Variants in ARRB2 observed in about 807,000 individuals in gnomAD.
The protein encoded by ARRB2 is arrestin beta 2.
ARRB2 carries 21 observed loss-of-function variants against 53.4 expected under a neutral mutation model. The ratio of observed to expected loss-of-function variants is 0.39; its 90% CI spans 0.28 to 0.57. The LOEUF is 0.57. ARRB2 is among the 20% of genes least tolerant of loss of function. ARRB2 has a pLI of 0.55. For missense variants in ARRB2, 369 were observed against 527.5 expected, an observed-to-expected ratio of 0.70 and a Z score of 2.94; for synonymous variants, 180 against 212.9, an observed-to-expected ratio of 0.85 and a Z score of 1.34.
chr17:4,715,984 C>T lies in ARRB2; in HGVS notation c.66C>T (p.Tyr22=), dbSNP rs1225295877. Residue 22 remains tyrosine, a synonymous_variant, in exon 3 of 15, where the codon TAC becomes TAT. Transcript: ENST00000269260. ...KSSPNCKLTV[Y]LGKRDFVDHL... ...CTTGACATCCTCAGCTCACCGTGTA[C>T]TTGGGCAAGCGGGACTTCGTAGATC... is the stretch of plus-strand genomic sequence containing the variant. 1 of 1,614,222 alleles carries T rather than the reference C, an allele frequency of 6.2e-7. No individual in the cohort carries two copies. The highest frequency in any genetic ancestry group is 1.7e-5 in the Admixed American group (1 of 60,024).
chr17:4,715,573 A>G, intron 2 of ARRB2: 1 of 292,036 alleles, frequency 3.4e-6, no homozygotes, highest in East Asian at 7.7e-5. Flanking sequence ...ACACGGACAC[A>G]CACACACACA....
intron 8 of ARRB2, 42 bp downstream of exon 8, chr17:4,718,065 A>C (rs763432164): frequency 2.5e-6 from 4 of 1,610,300 alleles, no homozygotes; most frequent in Non-Finnish European, 3.4e-6. Flanking sequence ...GGTGCAGTTT[A>C]GACCCTGGGG....
In ARRB2 at chr17:4,717,882, T is replaced by C. The variant is rs1412140983; in HGVS notation, c.486-6T>C. On this transcript the variant is annotated splice_polypyrimidine_tract_variant and splice_region_variant and intron_variant, in intron 7 of 14. Coordinates refer to ENST00000269260, the MANE Select transcript of ARRB2 (RefSeq NM_004313.4). This position sits in a 1 kb window ranked among gnomAD's most constrained non-coding sequence, Gnocchi z 6.0. ...ATGACCCCTCCTGCCCCTACTCTGA[T>C]CCCAGGAACTCTGTGCGGCTGGTGA... 5 of 1,614,036 alleles carry C rather than the reference T, an allele frequency of 3.1e-6. No individual in the cohort carries two copies. In the East Asian group the frequency reaches 1.1e-4, roughly 36 times the overall value.
intron 2 of ARRB2, chr17:4,715,670 C>T (rs1914927392): frequency 4.5e-6 from 2 of 448,902 alleles, no homozygotes; most frequent in South Asian, 4.6e-5. Context: ...CATGTTCACA[C>T]ACACACCTGA....
At chr17:4,714,656 A>T (rs56255696) in intron 1 of ARRB2, 13,384 of 82,808 alleles carry the variant, frequency 0.16, 1,665 homozygotes, top group Non-Finnish European at 0.24. Context: ...ACCTTCCGGG[A>T]AGAAGGGTTC....
At chr17:4,718,872 C>G (rs1915375450) in intron 10 of ARRB2, among the ~76,000 whole-genome samples, 188 bp downstream of exon 10, 1 of 151,290 alleles carries the variant, frequency 6.6e-6, no homozygotes, top group Non-Finnish European at 1.5e-5. Flanking sequence ...ACCTCCACCT[C>G]CCGGGTTCAA....
At position 4,721,195 on chromosome 17, in the gene ARRB2, C is replaced by G; in HGVS notation, c.*156C>G. The G allele has an allele frequency of 1.4e-6, 1 of 705,594 alleles. No individual in the cohort carries two copies. The allele number at this position is 705,594 out of a possible 1,614,324, so 43.7% of individuals were successfully genotyped here. ...CCCTTCACACTCTCTCCCCCATCCC[C>G]CCAAGATACACACTGGACCCTCTCT... On this transcript the variant is annotated 3_prime_UTR_variant, in exon 15 of 15. Transcript: ENST00000269260. The surrounding 1 kb of genome is among the most constrained non-coding windows in gnomAD (Gnocchi z 4.2).
chr17:4,713,902 T>C (rs1420717715), intron 1 of ARRB2, among the ~76,000 whole-genome samples: 1 of 145,818 alleles, frequency 6.9e-6, no homozygotes, highest in Non-Finnish European at 1.5e-5. Context: ...AGGCGGAGGT[T>C]GCAGTGAGCT....
intron 5 of ARRB2, 96 bp downstream of exon 5, chr17:4,716,704 A>G: frequency 2.0e-6 from 3 of 1,482,768 alleles, no homozygotes; most frequent in East Asian, 2.5e-5. Flanking sequence ...TCTGGAAGAA[A>G]CAGTGAGGCA....
Position 4,718,808 on chromosome 17 carries a change from T to G in ARRB2, c.779+124T>G, listed in dbSNP as rs564767127. On this transcript the variant is annotated intron_variant, in intron 10 of 14. Transcript: ENST00000269260. ...TTTTTTTTTTTTTTTGAGATGGAGT[T>G]TTTGCTCTTGTTGCCCAGCCTGGAG... The G allele has an allele frequency of 6.9e-4, 735 of 1,065,110 alleles. 1 individual carries two copies. Among genetic ancestry groups the G allele is most frequent in the Non-Finnish European group, 8.8e-4 (668 of 756,190 alleles). The allele number at this position is 1,065,110 out of a possible 1,614,324, so 66.0% of individuals were successfully genotyped here.
intron 2 of ARRB2, chr17:4,715,249 G>A: frequency 3.3e-6 from 2 of 605,962 alleles, no homozygotes; most frequent in Non-Finnish European, 5.6e-6. Context: ...GGGCTGGGTG[G>A]GGCAGGCTTG....
Position 4,717,133 on chromosome 17 carries a change from G to T in ARRB2, c.358-84G>T. ...ACAGGCATGAGCCACCACACCCAGCGTCTCCAGCCTCTTAGGTTGAGATTT... is the reference window on the plus strand; with the variant it reads ...ACAGGCATGAGCCACCACACCCAGCTTCTCCAGCCTCTTAGGTTGAGATTT... On this transcript the variant is annotated intron_variant, in intron 5 of 14. Coordinates refer to ENST00000269260, the MANE Select transcript of ARRB2 (RefSeq NM_004313.4). This position sits in a 1 kb window ranked among gnomAD's most constrained non-coding sequence, Gnocchi z 6.0. 1 of 1,468,692 alleles carries T rather than the reference G, an allele frequency of 6.8e-7. No individual in the cohort carries two copies. Among genetic ancestry groups the T allele is most frequent in the Non-Finnish European group, 9.5e-7 (1 of 1,049,048 alleles). The allele number at this position is 1,468,692 out of a possible 1,614,324, so 91.0% of individuals were successfully genotyped here.
chr17:4,721,066 A>T lies in ARRB2; in HGVS notation c.*27A>T. 2.7e-5 allele frequency: 38 copies of T among 1,403,246 alleles called. No individual in the cohort carries two copies. Among genetic ancestry groups the T allele is most frequent in the Non-Finnish European group, 3.5e-5 (35 of 987,582 alleles). The allele number at this position is 1,403,246 out of a possible 1,614,324, so 86.9% of individuals were successfully genotyped here. On this transcript the variant is annotated 3_prime_UTR_variant, in exon 15 of 15. Transcript: ENST00000269260. The surrounding 1 kb of genome is among the most constrained non-coding windows in gnomAD (Gnocchi z 4.2). ...AAGCGGGGTGGGAAGAAGGGAGGGG[A>T]TGGGGTTGGGAGAGGTGAGGGCAGG...
chr17:4,719,403 C>A lies in ARRB2; in HGVS notation c.900C>A (p.Asn300Lys). 1 of 1,614,066 alleles carries A rather than the reference C, an allele frequency of 6.2e-7. No homozygotes were observed. Among genetic ancestry groups the A allele is most frequent in the Non-Finnish European group, 8.5e-7 (1 of 1,179,962 alleles). The stretch of plus-strand genomic sequence containing the variant: ...GGAAACTCAAGCACGAGGACACCAA[C>A]CTGGCTTCCAGCACCATGTGAGGGT... ...LDGKLKHEDT[N>K]LASSTIVKEG... is the part of the protein sequence containing the mutation. The change falls in exon 11 of 15, where the codon AAC becomes AAA. Residue 300 changes from asparagine to lysine, a missense_variant. Physicochemically the swap from Asn to Lys is moderately conservative, Grantham distance 94. Coordinates refer to ENST00000269260, the MANE Select transcript of ARRB2 (RefSeq NM_004313.4).
chr17:4,719,584 C>G (rs1206493663), intron 11 of ARRB2, among the ~76,000 whole-genome samples, 164 bp downstream of exon 11: 1 of 152,014 alleles, frequency 6.6e-6, no homozygotes, highest in Non-Finnish European at 1.5e-5. Flanking sequence ...GGTCACTGTA[C>G]AGCAGGTTTA....
chr17:4,718,630 T>G lies in ARRB2; in HGVS notation c.725T>G (p.Ile242Ser). Reference protein sequence around the residue: ...IKVSVRQYADICLFSTAQYKC... With the variant: ...IKVSVRQYADSCLFSTAQYKC... ...CCCACAGTGAGACAGTACGCCGACA[T>G]CTGCCTCTTCAGCACCGCCCAGTAC... Residue 242 changes from isoleucine to serine, a missense_variant, in exon 10 of 15, where the codon ATC (isoleucine) becomes AGC (serine). Transcript: ENST00000269260. The G allele has an allele frequency of 6.2e-7, 1 of 1,613,738 alleles. No homozygotes were observed. Among genetic ancestry groups the G allele is most frequent in the Non-Finnish European group, 8.5e-7 (1 of 1,179,998 alleles).
At chr17:4,715,089 A>G (rs763431801) in intron 2 of ARRB2, 46 bp downstream of exon 2, 10 of 1,588,672 alleles carry the variant, frequency 6.3e-6, no homozygotes, top group African/African-American at 5.4e-5. Context: ...CTGGGCCCCA[A>G]CAAAGCCCAG....
Position 4,721,189 on chromosome 17 carries a change from C to A in ARRB2, c.*150C>A. The A allele has an allele frequency of 1.3e-6, 1 of 745,926 alleles. No homozygotes were observed. The highest frequency in any genetic ancestry group is 2.2e-6 in the Non-Finnish European group (1 of 460,020). 46.2% of individuals were successfully genotyped at this position (745,926 alleles called of 1,614,324 possible). On this transcript the variant is annotated 3_prime_UTR_variant, in exon 15 of 15. Coordinates refer to ENST00000269260, the MANE Select transcript of ARRB2 (RefSeq NM_004313.4). This position sits in a 1 kb window ranked among gnomAD's most constrained non-coding sequence, Gnocchi z 4.2. ...ACCAATCCCTTCACACTCTCTCCCC[C>A]ATCCCCCCAAGATACACACTGGACC...
intron 12 of ARRB2, 36 bp from the exon 13 acceptor site, chr17:4,720,357 C>T (rs561577496): frequency 8.3e-5 from 133 of 1,609,332 alleles, no homozygotes; most frequent in Middle Eastern, 6.6e-4. Context: ...AGTCCCATGT[C>T]GTCGTCCTCT....
Sources: gnomAD v4.1 joint callset for allele counts (sites outside exome capture counted in the v4.1 genomes callset) on GRCh38, gnomAD v4.1.1 for gene constraint, Gnocchi (gnomAD v3.1) non-coding constraint, MANE v1.5 for transcripts, NCBI Gene and HGNC (gene_info 2026-07-23, HGNC 2026-07-21) for gene names.